The following CTNNA2 variants were observed in gnomAD, a reference collection of about 807,000 sequenced individuals.
CTNNA2 encodes the protein catenin alpha 2.
A neutral mutation model predicts 101.0 loss-of-function variants in CTNNA2; 42 were observed. The ratio of observed to expected loss-of-function variants is 0.42; its 90% confidence interval spans 0.32 to 0.54. The LOEUF (loss-of-function observed/expected upper bound fraction) is 0.54. Among genes scored for constraint, CTNNA2 ranks in the 20% least tolerant of loss-of-function variants. The probability of loss-of-function intolerance (pLI) is 0.14; values close to 1 mark genes in which losing one functional copy is unlikely to be tolerated. For missense variants in CTNNA2, 871 were observed against 1,223.1 expected (o/e 0.71, Z 4.29); for synonymous variants, 450 against 456.4 (o/e 0.99, Z 0.18).
intron 1 of CTNNA2, among the ~76,000 whole-genome samples, chr2:79,556,835 A>C (rs979730998): frequency 2.2e-4 from 33 of 152,006 alleles, no homozygotes; most frequent in African/African-American, 8.0e-4. Context: ...TTTATTGCAG[A>C]CAGTCAATAT....
intron 8 of CTNNA2, among the ~76,000 whole-genome samples, chr2:80,402,298 C>A (rs1439625912): frequency 2.0e-5 from 3 of 152,184 alleles, no homozygotes; most frequent in African/African-American, 7.2e-5. Flanking sequence ...GATTTCCAAA[C>A]TCTGTCCTTT....
chr2:79,314,559 T>G (rs1020802866), intron 3 of CTNNA2, among the ~76,000 whole-genome samples: 1 of 152,222 alleles, frequency 6.6e-6, no homozygotes, highest in Non-Finnish European at 1.5e-5. Context: ...GAGACCCCAA[T>G]GAATGGCTCC....
chr2:80,143,535 G>A (rs1177160698), intron 7 of CTNNA2, among the ~76,000 whole-genome samples: 6 of 151,980 alleles, frequency 3.9e-5, no homozygotes, highest in East Asian at 1.9e-4. Context: ...GAAGTCATTC[G>A]TCCTAACTGA....
chr2:80,435,091 C>T (rs542978964), intron 9 of CTNNA2, among the ~76,000 whole-genome samples: 8 of 152,208 alleles, frequency 5.3e-5, no homozygotes, highest in African/African-American at 1.7e-4. Flanking sequence ...TGGCCTCTAC[C>T]CACTAGAAGC....
intron 2 of CTNNA2, among the ~76,000 whole-genome samples, chr2:79,729,251 A>G (rs1011424046): frequency 1.1e-4 from 17 of 152,118 alleles, no homozygotes; most frequent in African/African-American, 1.7e-4. Context: ...TGTATGTTCA[A>G]TATTATTTGT....
At chr2:79,521,142 ATATATATATATATATATATAT>A (rs1672092282) in intron 1 of CTNNA2, among the ~76,000 whole-genome samples, 5 of 28,708 alleles carry the variant, frequency 1.7e-4, no homozygotes, top group African/African-American at 7.5e-4. Flanking sequence ...ATATATATAT[ATATATATATATATATATATAT>A]ATATAAATTT....
upstream of CTNNA2, among the ~76,000 whole-genome samples, chr2:79,510,841 C>T (rs1671519064): frequency 6.6e-6 from 1 of 152,190 alleles, no homozygotes; most frequent in Non-Finnish European, 1.5e-5. Context: ...TTTTGAAAGT[C>T]ACTACAAAAC....
chr2:79,512,790 G>A (rs1573209467), upstream of CTNNA2, among the ~76,000 whole-genome samples: 1 of 151,292 alleles, frequency 6.6e-6, no homozygotes, highest in Non-Finnish European at 1.5e-5. Context: ...CGCCCTTTCG[G>A]GCGCTCCCCA....
chr2:79,673,641 C>A (rs767376438), intron 2 of CTNNA2, among the ~76,000 whole-genome samples: 2 of 152,166 alleles, frequency 1.3e-5, no homozygotes, highest in Middle Eastern at 3.4e-3. Flanking sequence ...AATGAATGAC[C>A]ATTTGCCTTT....
At chr2:79,245,106 A>G (rs1674682513) in intron 2 of CTNNA2, among the ~76,000 whole-genome samples, 1 of 152,068 alleles carries the variant, frequency 6.6e-6, no homozygotes, top group Admixed American at 6.5e-5. Flanking sequence ...AAGAAAAAAA[A>G]AAAAAGGAAA....
intron 4 of CTNNA2, among the ~76,000 whole-genome samples, chr2:79,411,509 C>A (rs1464872785): frequency 6.6e-6 from 1 of 151,988 alleles, no homozygotes; most frequent in Admixed American, 6.6e-5. Flanking sequence ...GGTCGGGTTA[C>A]CCACAAAGGG....
intron 7 of CTNNA2, 48 bp from the exon 8 acceptor site, chr2:80,393,163 C>T (rs1385027323): frequency 1.4e-6 from 2 of 1,430,190 alleles, no homozygotes; most frequent in South Asian, 1.3e-5. Flanking sequence ...TTTAATGTCT[C>T]TAACATTGAA....
At position 79,240,215 on chromosome 2, in the gene CTNNA2, C is replaced by CT. The variant is rs112101652; in HGVS notation, c.-406+42152dup. Among the ~76,000 whole-genome samples, 217 of 142,604 alleles carry CT rather than the reference C, an allele frequency of 1.5e-3. 1 individual carries two copies. Among genetic ancestry groups the CT allele is most frequent in the Non-Finnish European group, 1.9e-3 (122 of 64,618 alleles). The allele number at this position is 142,604 out of a possible 152,430, so 93.6% of individuals were successfully genotyped here. A position where few individuals can be genotyped will look rare whatever the true frequency, so the allele number is the denominator to read the frequency against. On this transcript the variant is annotated intron_variant, in intron 2 of 21. Transcript: ENST00000466387. ...GAGCCACCATGCTTGGCACAGTTTT[C>CT]TTTTTTTTTTTTTAAACTTTTAATT...
intron 4 of CTNNA2, among the ~76,000 whole-genome samples, chr2:79,388,819 C>T (rs569441936): frequency 3.3e-5 from 5 of 152,024 alleles, no homozygotes; most frequent in South Asian, 2.1e-4. Context: ...TTGCTATCCT[C>T]TCCCCATCTT....
At chr2:79,592,447 G>C (rs1243690016) in intron 1 of CTNNA2, among the ~76,000 whole-genome samples, 1 of 152,044 alleles carries the variant, frequency 6.6e-6, no homozygotes, top group Non-Finnish European at 1.5e-5. Flanking sequence ...ATTACATCTT[G>C]TAGTGATGCC....
At chr2:79,403,727 G>T (rs575106800) in intron 4 of CTNNA2, among the ~76,000 whole-genome samples, 1 of 151,954 alleles carries the variant, frequency 6.6e-6, no homozygotes, top group Non-Finnish European at 1.5e-5. Flanking sequence ...TGAGATGCCA[G>T]GTTAGACCCA....
chr2:80,646,340 T>C (rs532414325), intron 18 of CTNNA2, among the ~76,000 whole-genome samples: 9 of 152,236 alleles, frequency 5.9e-5, no homozygotes, highest in East Asian at 3.9e-4. Context: ...GTAATTGATA[T>C]ATCTCATTAG....
chr2:79,516,951 G>A (rs1263157870), intron 1 of CTNNA2, among the ~76,000 whole-genome samples: 1 of 151,996 alleles, frequency 6.6e-6, no homozygotes, highest in African/African-American at 2.4e-5. Flanking sequence ...GTATTTCCAG[G>A]GGCTTATTTA....
chr2:80,038,790 A>C (rs528915073), intron 7 of CTNNA2, among the ~76,000 whole-genome samples: 2 of 152,220 alleles, frequency 1.3e-5, no homozygotes, highest in African/African-American at 2.4e-5. Context: ...TGGAGGTTGC[A>C]GTGAGCTGAG....
Sources: allele counts gnomAD v4.1 joint callset (sites outside exome capture counted in the v4.1 genomes callset), GRCh38; gene constraint gnomAD v4.1.1; transcripts MANE v1.5; gene names NCBI Gene and HGNC (gene_info 2026-07-23, HGNC 2026-07-21).